Variants in ATP10B observed in about 807,000 individuals in gnomAD.
The protein encoded by ATP10B is phospholipid-transporting ATPase VB.
ATP10B carries 122 observed loss-of-function variants against 141.2 expected under a neutral mutation model. The ratio of observed to expected loss-of-function variants is 0.86; its 90% CI spans 0.75 to 1.00. The LOEUF (loss-of-function observed/expected upper bound fraction) is 1.00. Ranked by LOEUF, ATP10B falls within the 50% of genes least tolerant of loss-of-function variation. ATP10B has a pLI of 0.00. For synonymous variants in ATP10B, 685 were observed against 692.0 expected (o/e 0.99, Z 0.16); for missense variants, 1,876 against 1,825.3 (o/e 1.03, Z -0.51).
chr5:160,798,744 A>ATTTTTTTTTTTTT (rs35866347), intron 1 of ATP10B, among the ~76,000 whole-genome samples: 2 of 102,502 alleles, frequency 2.0e-5, no homozygotes, highest in Admixed American at 1.2e-4. Flanking sequence ...CTTTTTCTCT[A>ATTTTTTTTTTTTT]TTTTTTTTTT....
rs201503148 is a variant in ATP10B, at chr5:160,670,683, G to C, written c.471-16C>G. On this transcript the variant is annotated splice_polypyrimidine_tract_variant and intron_variant, in intron 6 of 25. Transcript: ENST00000327245. Reference sequence around the variant, plus strand: ...CTGCTCTTTTCTTGGGTGAGAGAAAGACAGGGTGTGAGTGAGCTTTAAGTT... The same window carrying C: ...CTGCTCTTTTCTTGGGTGAGAGAAACACAGGGTGTGAGTGAGCTTTAAGTT... 1.2e-6 allele frequency: 2 copies of C among 1,610,108 alleles called. No individual in the cohort carries two copies. The highest frequency in any genetic ancestry group is 2.2e-5 in the South Asian group (2 of 90,760).
intron 7 of ATP10B, among the ~76,000 whole-genome samples, chr5:160,662,675 T>C (rs1329477196): frequency 2.6e-5 from 4 of 152,014 alleles, no homozygotes; most frequent in South Asian, 2.1e-4. Context: ...AAATGTTAGA[T>C]CTAAAACCAT....
chr5:160,891,618 A>G, the ATP10B span, among the ~76,000 whole-genome samples: 37 of 152,214 alleles, frequency 2.4e-4, no homozygotes, highest in Non-Finnish European at 4.6e-4. Flanking sequence ...TTGTATTTTA[A>G]GTAGAGATGG....
intron 1 of ATP10B, among the ~76,000 whole-genome samples, chr5:160,816,501 C>A (rs561702971): frequency 2.4e-4 from 36 of 152,108 alleles, no homozygotes; most frequent in African/African-American, 8.2e-4. Context: ...GAAATTGAGG[C>A]AATAATTAAT....
the ATP10B span, among the ~76,000 whole-genome samples, chr5:160,864,831 A>G: frequency 6.6e-6 from 1 of 152,002 alleles, no homozygotes; most frequent in Non-Finnish European, 1.5e-5. Context: ...GCTGCAAAAA[A>G]ATAAAATAAA....
At chr5:160,821,286 A>G (rs1368766267) in intron 1 of ATP10B, among the ~76,000 whole-genome samples, 1 of 152,104 alleles carries the variant, frequency 6.6e-6, no homozygotes, top group Non-Finnish European at 1.5e-5. Context: ...AAAATAAAAT[A>G]TCTAGGAATT....
intron 2 of ATP10B, among the ~76,000 whole-genome samples, chr5:160,727,845 G>T (rs964905099): frequency 6.6e-6 from 1 of 152,124 alleles, no homozygotes; most frequent in Non-Finnish European, 1.5e-5. Context: ...AAGGTAAAAG[G>T]CCTCAGGCAT....
At chr5:160,753,213 G>A (rs149660976) in intron 2 of ATP10B, among the ~76,000 whole-genome samples, 523 of 152,290 alleles carry the variant, frequency 3.4e-3, no homozygotes, top group Middle Eastern at 0.017. Flanking sequence ...TTACAGTGAG[G>A]AAACGTCGTT....
chr5:160,908,005 C>T, the ATP10B span, among the ~76,000 whole-genome samples: 1 of 152,266 alleles, frequency 6.6e-6, no homozygotes, highest in Admixed American at 6.5e-5. Flanking sequence ...GGTCTCCCAA[C>T]TTAAACAGGA....
At chr5:160,586,805 C>T (rs1436930265) in intron 24 of ATP10B, among the ~76,000 whole-genome samples, 1 of 152,070 alleles carries the variant, frequency 6.6e-6, no homozygotes, top group African/African-American at 2.4e-5. Context: ...CCTTTGCCCA[C>T]TTTTTGATGG....
chr5:160,768,568 C>T (rs1270839446), intron 2 of ATP10B, among the ~76,000 whole-genome samples: 1 of 152,192 alleles, frequency 6.6e-6, no homozygotes, highest in African/African-American at 2.4e-5. Context: ...CTGTTTATAT[C>T]ATTTGCCACT....
At chr5:160,634,293 C>G in intron 12 of ATP10B, 61 bp downstream of exon 12, 2 of 1,611,068 alleles carry the variant, frequency 1.2e-6, no homozygotes, top group Non-Finnish European at 1.7e-6. Context: ...CTCCTCGTTT[C>G]TTAGGAGAGC....
chr5:160,863,172 G>C, the ATP10B span, among the ~76,000 whole-genome samples: 4 of 151,904 alleles, frequency 2.6e-5, no homozygotes, highest in Non-Finnish European at 5.9e-5. Context: ...CCCAATATCT[G>C]ATGCTCCCAC....
chr5:160,856,641 G>T (rs1243630162), upstream of ATP10B, among the ~76,000 whole-genome samples: 2 of 151,760 alleles, frequency 1.3e-5, no homozygotes, highest in Non-Finnish European at 3.0e-5. Context: ...GCTGTATATT[G>T]TATGTAGATG....
chr5:160,594,338 T>A (rs147577814), intron 22 of ATP10B, among the ~76,000 whole-genome samples: 5,011 of 152,268 alleles, frequency 0.033, 281 homozygotes, highest in African/African-American at 0.11. Context: ...AGACAAATGC[T>A]GAGAGATTTT....
intron 2 of ATP10B, among the ~76,000 whole-genome samples, chr5:160,768,330 T>G (rs1431361990): frequency 1.3e-5 from 2 of 152,232 alleles, no homozygotes; most frequent in Admixed American, 1.3e-4. Flanking sequence ...TTATGCCATG[T>G]ACCTAAATTC....
the ATP10B span, among the ~76,000 whole-genome samples, chr5:160,880,229 T>TATAAG: frequency 1.4e-5 from 2 of 145,714 alleles, no homozygotes; most frequent in Admixed American, 1.4e-4. Context: ...ATAAATAAAA[T>TATAAG]ATAAATATTT....
At chr5:160,721,936 T>A (rs928568603) in intron 2 of ATP10B, among the ~76,000 whole-genome samples, 3 of 152,232 alleles carry the variant, frequency 2.0e-5, no homozygotes, top group Non-Finnish European at 4.4e-5. Flanking sequence ...ATGCAAATAC[T>A]AGCTCTGCTT....
At chr5:160,762,919 A>G (rs959959094) in intron 2 of ATP10B, among the ~76,000 whole-genome samples, 4 of 120,824 alleles carry the variant, frequency 3.3e-5, no homozygotes, top group South Asian at 5.1e-4. Flanking sequence ...AGCTATTCTT[A>G]TATCAGATAA....
Sources: allele counts gnomAD v4.1 joint callset (sites outside exome capture counted in the v4.1 genomes callset), GRCh38; gene constraint gnomAD v4.1.1; transcripts MANE v1.5; gene names NCBI Gene and HGNC (gene_info 2026-07-23, HGNC 2026-07-21).